The following TASOR variants were observed in gnomAD, a reference collection of about 807,000 sequenced individuals.
The protein encoded by TASOR is protein TASOR.
A neutral mutation model predicts 178.6 loss-of-function variants in TASOR; 53 were observed. That is an observed-to-expected ratio of 0.30 (90% CI 0.24 to 0.37). TASOR has a LOEUF of 0.37. Among genes scored for constraint, TASOR ranks in the 10% least tolerant of loss-of-function variants. The pLI, the probability that TASOR is intolerant of heterozygous loss-of-function variation, is 1.00. For missense variants in TASOR, 1,815 were observed against 1,971.4 expected (o/e 0.92, Z 1.50); for synonymous variants, 713 against 696.2 (o/e 1.02, Z -0.38).
chr3:56,658,617 G>A (rs1337255454), intron 11 of TASOR, among the ~76,000 whole-genome samples: 1 of 152,186 alleles, frequency 6.6e-6, no homozygotes, highest in African/African-American at 2.4e-5. Flanking sequence ...CATATGCAGT[G>A]AGAAAGTAAG....
Position 56,628,510 on chromosome 3 carries a change from A to T in TASOR, c.3852T>A (p.Ile1284=), listed in dbSNP as rs772353667. 1.2e-6 allele frequency: 2 copies of T among 1,603,756 alleles called. No individual in the cohort carries two copies. The highest frequency in any genetic ancestry group is 1.7e-6 in the Non-Finnish European group (2 of 1,175,168). The change falls in exon 19 of 24, where the codon ATT becomes ATA. Residue 1284 remains isoleucine (I), a synonymous_variant. Coordinates refer to ENST00000683822, the MANE Select transcript of TASOR (RefSeq NM_001365635.2). ...AGTCTACCTTGTGAATGAAACCTGC[A>T]ATGTCTTCATTTTGAATAATAATCA... is the stretch of plus-strand genomic sequence containing the variant. ...KLLIIIQNED[I]AGFIHKIPGL...
chr3:56,662,606 CAAAA>C, intron 8 of TASOR, 116 bp from the exon 9 acceptor site: 8 of 352,762 alleles, frequency 2.3e-5, no homozygotes, highest in Admixed American at 5.1e-5. Flanking sequence ...AGTAGGAGGG[CAAAA>C]AAAAAAAAAC....
At chr3:56,663,840 A>G (rs1398290948) in intron 7 of TASOR, 7 of 998,822 alleles carry the variant, frequency 7.0e-6, no homozygotes, top group Non-Finnish European at 8.3e-6. Flanking sequence ...AAGAGAGAAC[A>G]GTGTCCACCA....
At chr3:56,677,594 T>G (rs899660790) in intron 1 of TASOR, among the ~76,000 whole-genome samples, 1 of 152,182 alleles carries the variant, frequency 6.6e-6, no homozygotes, top group Non-Finnish European at 1.5e-5. Context: ...TCCTGAAATA[T>G]ATGATGTGTG....
At chr3:56,666,997 T>C (rs779183303) in intron 6 of TASOR, among the ~76,000 whole-genome samples, 4 of 152,204 alleles carry the variant, frequency 2.6e-5, no homozygotes, top group Non-Finnish European at 4.4e-5. Context: ...AGTAGTACAG[T>C]TCTTCAAAGT....
Position 56,662,335 on chromosome 3 carries a change from A to C in TASOR, c.1160+50T>G. On this transcript the variant is annotated intron_variant, in intron 9 of 23. Transcript: ENST00000683822. The stretch of plus-strand genomic sequence containing the variant: ...GAAAAAGAAATAAGGAAAAAGGCTC[A>C]AGAAAGTGATAAAATTAGCAACCAC... The C allele has an allele frequency of 3.2e-6, 3 of 946,452 alleles. No homozygotes were observed. The Middle Eastern group carries it at 7.1e-4, about 225-fold the overall frequency. 58.6% of individuals were successfully genotyped at this position (946,452 alleles called of 1,614,324 possible).
intron 11 of TASOR, among the ~76,000 whole-genome samples, chr3:56,655,018 T>C (rs1199426330): frequency 6.6e-6 from 1 of 152,210 alleles, no homozygotes; most frequent in African/African-American, 2.4e-5. Context: ...CTATTGGTTC[T>C]GTTTCTCTGC....
At chr3:56,660,423 G>A (rs906932089) in intron 11 of TASOR, among the ~76,000 whole-genome samples, 20 of 149,096 alleles carry the variant, frequency 1.3e-4, no homozygotes, top group Non-Finnish European at 1.6e-4. Context: ...CCAGGAAGGC[G>A]GAGATTACAG....
At chr3:56,626,201 A>G (rs4681933) in intron 21 of TASOR, among the ~76,000 whole-genome samples, 93,860 of 151,976 alleles carry the variant, frequency 0.62, 31,593 homozygotes, top group East Asian at 0.96. Context: ...TGTCCCAAAC[A>G]TGCCTGATTA....
At chr3:56,672,191 A>T (rs1487395184) in intron 2 of TASOR, among the ~76,000 whole-genome samples, 2 of 152,216 alleles carry the variant, frequency 1.3e-5, no homozygotes, top group South Asian at 4.1e-4. Flanking sequence ...AGTTGGAACT[A>T]TAAGTTATCC....
Position 56,622,859 on chromosome 3 carries a change from T to C in TASOR, c.*178A>G, listed in dbSNP as rs2076717566. 5 of 413,228 alleles carry C rather than the reference T, an allele frequency of 1.2e-5. No homozygotes were observed. In the East Asian group the frequency reaches 1.9e-4, roughly 15 times the overall value. 25.6% of individuals were successfully genotyped at this position (413,228 alleles called of 1,614,324 possible). ...AACATGAGATAATTCAAGTACAATA[T>C]ATGTTAAAAATATATATTTATTTCA... On this transcript the variant is annotated 3_prime_UTR_variant, in exon 24 of 24. Coordinates refer to ENST00000683822, the MANE Select transcript of TASOR (RefSeq NM_001365635.2).
intron 17 of TASOR, 134 bp downstream of exon 17, chr3:56,638,572 T>C (rs2077062344): frequency 1.4e-6 from 1 of 714,072 alleles, no homozygotes; most frequent in Admixed American, 2.5e-5. Flanking sequence ...TACATATAAA[T>C]AAATATGGTA....
At chr3:56,682,521 G>A (rs2031891759) in intron 1 of TASOR, among the ~76,000 whole-genome samples, 155 bp downstream of exon 1, 1 of 151,342 alleles carries the variant, frequency 6.6e-6, no homozygotes. Context: ...CACCAAACGC[G>A]GCAGCTGGGC....
intron 11 of TASOR, among the ~76,000 whole-genome samples, chr3:56,653,388 A>T (rs1483652014): frequency 6.7e-6 from 1 of 149,978 alleles, no homozygotes. Flanking sequence ...AAAGGAAAAG[A>T]TATACCAAGC....
intron 14 of TASOR, among the ~76,000 whole-genome samples, chr3:56,644,298 G>C (rs1043965728): frequency 1.3e-5 from 2 of 151,902 alleles, no homozygotes; most frequent in Non-Finnish European, 2.9e-5. Flanking sequence ...CTAGCACATA[G>C]TAAACAGAGC....
chr3:56,638,285 A>C (rs745507158), intron 17 of TASOR, among the ~76,000 whole-genome samples: 3 of 152,080 alleles, frequency 2.0e-5, no homozygotes, highest in Non-Finnish European at 4.4e-5. Flanking sequence ...GAATTGCTTG[A>C]ACCTCGGGAG....
Position 56,668,590 on chromosome 3 carries a change from C to G in TASOR, c.736-32G>C, listed in dbSNP as rs1224701121. ...TAGAGAAAACCTTTTAAGTGTCTACCTAAACCTAATTGTTGACTATATAAC... is the reference window on the plus strand; with the variant it reads ...TAGAGAAAACCTTTTAAGTGTCTACGTAAACCTAATTGTTGACTATATAAC... On this transcript the variant is annotated intron_variant, in intron 5 of 23. Transcript: ENST00000683822. 45 of 1,429,500 alleles carry G rather than the reference C, an allele frequency of 3.1e-5. 1 individual carries two copies. Among genetic ancestry groups the G allele is most frequent in the Non-Finnish European group, 4.1e-5 (43 of 1,056,092 alleles). 88.6% of individuals were successfully genotyped at this position (1,429,500 alleles called of 1,614,324 possible). A position where few individuals can be genotyped will look rare whatever the true frequency, so the allele number is the denominator to read the frequency against.
At chr3:56,662,274 T>C (rs928222629) in intron 9 of TASOR, 111 bp downstream of exon 9, 7 of 662,416 alleles carry the variant, frequency 1.1e-5, no homozygotes, top group African/African-American at 7.4e-5. Flanking sequence ...AACATTTATA[T>C]TGAAGTTCTT....
chr3:56,683,088 C>G lies in TASOR; in HGVS notation c.-82G>C. The G allele has an allele frequency of 7.2e-7, 1 of 1,392,018 alleles. No individual in the cohort carries two copies. Among genetic ancestry groups the G allele is most frequent in the East Asian group, 2.5e-5 (1 of 39,790 alleles). 86.2% of individuals were successfully genotyped at this position (1,392,018 alleles called of 1,614,324 possible). A position where few individuals can be genotyped will look rare whatever the true frequency, so the allele number is the denominator to read the frequency against. ...GGGAAGGGGCGGCGGGCCAGTCTCG[C>G]CGCCGAGCTGCTCTCAGCCCACCCA... On this transcript the variant is annotated 5_prime_UTR_variant, in exon 1 of 24. Transcript: ENST00000683822.
Sources: allele counts gnomAD v4.1 joint callset (sites outside exome capture counted in the v4.1 genomes callset), GRCh38; gene constraint gnomAD v4.1.1; transcripts MANE v1.5; gene names NCBI Gene and HGNC (gene_info 2026-07-23, HGNC 2026-07-21).